MARCHF3: variants seen among roughly 807,000 people sequenced by gnomAD.
MARCHF3 encodes E3 ubiquitin-protein ligase MARCHF3.
A neutral mutation model predicts 24.2 loss-of-function variants in MARCHF3; 13 were observed. That is an observed-to-expected ratio of 0.54 (90% CI 0.35 to 0.85). MARCHF3 has a LOEUF of 0.85. Ranked by LOEUF, MARCHF3 falls within the 40% of genes least tolerant of loss-of-function variation. MARCHF3 has a pLI of 0.01. For missense variants in MARCHF3, 276 were observed against 325.0 expected, an observed-to-expected ratio of 0.85 and a Z score of 1.16; for synonymous variants, 144 against 137.3, an observed-to-expected ratio of 1.05 and a Z score of -0.34.
chr5:126,964,627 T>C (rs2126824707), intron 1 of MARCHF3, among the ~76,000 whole-genome samples: 1 of 152,326 alleles, frequency 6.6e-6, no homozygotes, highest in South Asian at 2.1e-4. Flanking sequence ...ACTATGGTTG[T>C]TTTTCAAGAG....
chr5:126,939,312 G>A (rs868775330), intron 1 of MARCHF3, among the ~76,000 whole-genome samples: 21 of 152,158 alleles, frequency 1.4e-4, no homozygotes, highest in African/African-American at 5.1e-4. Flanking sequence ...TGAAAGGAAA[G>A]GTTCCCTAAA....
At position 126,892,477 on chromosome 5, in the gene MARCHF3, T is replaced by A. The variant is rs1227623149; in HGVS notation, c.394-14083A>T. Among the ~76,000 whole-genome samples, 5 of 147,204 alleles carry A rather than the reference T, an allele frequency of 3.4e-5. 1 individual carries two copies. Among genetic ancestry groups the A allele is most frequent in the African/African-American group, 1.3e-4 (5 of 38,486 alleles). On this transcript the variant is annotated intron_variant, in intron 3 of 4. Transcript: ENST00000308660. ...AGATACGTCCCATCAATACCTAATT[T>A]ATTGAGAGTTTTTAGCATGAAGGGT... is the stretch of plus-strand genomic sequence containing the variant.
At chr5:126,919,452 T>TTAAA (rs1749022513) in intron 1 of MARCHF3, among the ~76,000 whole-genome samples, 2 of 152,166 alleles carry the variant, frequency 1.3e-5, no homozygotes, top group South Asian at 4.1e-4. Context: ...AGGCTCAGAC[T>TTAAA]TAAATAAATG....
At chr5:126,968,536 T>G (rs551637755) in intron 1 of MARCHF3, among the ~76,000 whole-genome samples, 71 of 152,322 alleles carry the variant, frequency 4.7e-4, no homozygotes, top group Non-Finnish European at 7.9e-4. Context: ...ATACCTTCTT[T>G]GGAGAAATGC....
In MARCHF3 at chr5:126,892,719, A is replaced by G. The variant is rs1436335316; in HGVS notation, c.394-14325T>C. Reference sequence around the variant, plus strand: ...TATTTTATTGAGAATTTTTGCATCAATGTTCATCAAGGATATTGGTCTAAA... The same window carrying G: ...TATTTTATTGAGAATTTTTGCATCAGTGTTCATCAAGGATATTGGTCTAAA... On this transcript the variant is annotated intron_variant, in intron 3 of 4. Coordinates refer to ENST00000308660, the MANE Select transcript of MARCHF3 (RefSeq NM_178450.5). 4.7e-5 allele frequency among the ~76,000 whole-genome samples: 7 copies of G among 149,710 alleles called. No homozygotes were observed. The East Asian group carries it at 7.8e-4, about 17-fold the overall frequency.
Position 126,918,313 on chromosome 5 carries a change from CATT to C in MARCHF3, c.-56-89_-56-87del, listed in dbSNP as rs141910819. The C allele has an allele frequency of 1.6e-3, 1,300 of 819,632 alleles. 14 individuals carry two copies. The African/African-American group carries it at 0.02, about 13-fold the overall frequency. 50.8% of individuals were successfully genotyped at this position (819,632 alleles called of 1,614,324 possible). Reference sequence around the variant, plus strand: ...TGGGCCACCAACATCATCATCATGTCATTATTTAATACAAATAACAGGGGTAGC... The same window carrying C: ...TGGGCCACCAACATCATCATCATGTCATTTAATACAAATAACAGGGGTAGC... On this transcript the variant is annotated intron_variant, in intron 1 of 4. Coordinates refer to ENST00000308660, the MANE Select transcript of MARCHF3 (RefSeq NM_178450.5).
intron 1 of MARCHF3, 160 bp downstream of exon 1, chr5:127,030,190 T>C (rs763289240): frequency 3.3e-5 from 5 of 151,848 alleles, no homozygotes; most frequent in African/African-American, 4.8e-5. Context: ...AGTTCGGGAG[T>C]GGGGATATTG....
At chr5:126,899,757 C>A (rs940715361) in intron 3 of MARCHF3, among the ~76,000 whole-genome samples, 6 of 151,980 alleles carry the variant, frequency 3.9e-5, no homozygotes, top group Non-Finnish European at 5.9e-5. Flanking sequence ...TTAAAACAGA[C>A]TTTATTTTTT....
intron 3 of MARCHF3, chr5:126,898,862 A>C: frequency 1.0e-6 from 1 of 984,656 alleles, no homozygotes; most frequent in Non-Finnish European, 1.2e-6. Flanking sequence ...TGAAATAATG[A>C]GTAGAAAACA....
intron 4 of MARCHF3, among the ~76,000 whole-genome samples, chr5:126,876,443 C>T (rs1753156699): frequency 6.6e-6 from 1 of 152,198 alleles, no homozygotes; most frequent in South Asian, 2.1e-4. Flanking sequence ...GCAGGATGGG[C>T]ATTACCACTA....
intron 3 of MARCHF3, among the ~76,000 whole-genome samples, chr5:126,896,017 C>T (rs959994563): frequency 1.3e-5 from 2 of 152,144 alleles, no homozygotes; most frequent in Non-Finnish European, 2.9e-5. Flanking sequence ...TCTGGTGCGC[C>T]GTTTTTTAAG....
chr5:126,980,356 A>G (rs1407412438), intron 1 of MARCHF3, among the ~76,000 whole-genome samples: 2 of 151,742 alleles, frequency 1.3e-5, no homozygotes, highest in African/African-American at 4.8e-5. Flanking sequence ...CTTGAGTTTG[A>G]GATGTTGATG....
chr5:126,979,271 A>G (rs965388158), intron 1 of MARCHF3, among the ~76,000 whole-genome samples: 15 of 152,150 alleles, frequency 9.9e-5, no homozygotes, highest in African/African-American at 3.4e-4. Flanking sequence ...GTGTTTTTGT[A>G]TTTCTAAGGT....
rs189528057 is a variant in MARCHF3, at chr5:126,967,485, G to A, written c.-56-49258C>T. Among the ~76,000 whole-genome samples, 10 of 152,276 alleles carry A rather than the reference G, an allele frequency of 6.6e-5. No individual in the cohort carries two copies. The East Asian group carries it at 1.9e-3, about 29-fold the overall frequency. Reference sequence around the variant, plus strand: ...AGGCAGGCGGATCACCTGAGGTCAAGAGTTTGAGACAAGCCTGGCCAACAT... The same window carrying A: ...AGGCAGGCGGATCACCTGAGGTCAAAAGTTTGAGACAAGCCTGGCCAACAT... On this transcript the variant is annotated intron_variant, in intron 1 of 4. Transcript: ENST00000308660.
rs761964944 is a variant in MARCHF3 at position 126,870,375 on chromosome 5, C to T, written c.*258G>A. ...ACGTTAAAGAGGTGTTCAGAAAATT[C>T]CATACAGTATCTGCTAAATAAACAT... is the stretch of plus-strand genomic sequence containing the variant. On this transcript the variant is annotated 3_prime_UTR_variant, in exon 5 of 5. Coordinates refer to ENST00000308660, the MANE Select transcript of MARCHF3 (RefSeq NM_178450.5). The T allele has an allele frequency of 2.9e-6, 1 of 341,940 alleles. No homozygotes were observed. Among genetic ancestry groups the T allele is most frequent in the Non-Finnish European group, 5.4e-6 (1 of 185,054 alleles). The allele number at this position is 341,940 out of a possible 1,614,324, so 21.2% of individuals were successfully genotyped here. A position where few individuals can be genotyped will look rare whatever the true frequency, so the allele number is the denominator to read the frequency against.
At chr5:126,978,981 G>A (rs1240128096) in intron 1 of MARCHF3, among the ~76,000 whole-genome samples, 1 of 152,156 alleles carries the variant, frequency 6.6e-6, no homozygotes, top group East Asian at 1.9e-4. Context: ...GTCTGATGTG[G>A]AACTCCCCTA....
At chr5:126,951,078 A>G (rs1193301498) in intron 1 of MARCHF3, among the ~76,000 whole-genome samples, 2 of 152,206 alleles carry the variant, frequency 1.3e-5, no homozygotes, top group Non-Finnish European at 2.9e-5. Context: ...TGTTTTTGTT[A>G]AGTTCGCTAG....
chr5:126,958,493 T>C (rs2126820793), intron 1 of MARCHF3, among the ~76,000 whole-genome samples: 1 of 152,318 alleles, frequency 6.6e-6, no homozygotes, highest in East Asian at 1.9e-4. Context: ...GTATTCTGTA[T>C]TTTTTCTTTT....
chr5:127,001,149 G>A lies in MARCHF3; in HGVS notation c.-57+29201C>T, dbSNP rs1227024382. Among the ~76,000 whole-genome samples, 9 of 151,874 alleles carry A rather than the reference G, an allele frequency of 5.9e-5. No homozygotes were observed. In the East Asian group the frequency reaches 1.8e-3, roughly 30 times the overall value. On this transcript the variant is annotated intron_variant, in intron 1 of 4. Transcript: ENST00000308660. ...GCTACTCGGGAGGCTGAGGCAGGAG[G>A]ATTGCTTGAACCTGGGAGATGGAGG...
Sources: allele counts gnomAD v4.1 joint callset (sites outside exome capture counted in the v4.1 genomes callset), GRCh38; gene constraint gnomAD v4.1.1; transcripts MANE v1.5; gene names NCBI Gene and HGNC (gene_info 2026-07-23, HGNC 2026-07-21).